RHOBTB3: variants seen among roughly 807,000 people sequenced by gnomAD.
RHOBTB3 encodes the protein rho-related BTB domain-containing protein 3.
In RHOBTB3, 47 loss-of-function variants were observed where a neutral mutation model predicts 67.2. The ratio of observed to expected loss-of-function variants is 0.70; its 90% CI spans 0.55 to 0.89. The LOEUF (loss-of-function observed/expected upper bound fraction) is 0.89. RHOBTB3 is among the 40% of genes least tolerant of loss of function. RHOBTB3 has a pLI of 0.00. For synonymous variants in RHOBTB3, 273 were observed against 274.2 expected, an observed-to-expected ratio of 1.00 and a Z score of 0.04; for missense variants, 631 against 750.0, an observed-to-expected ratio of 0.84 and a Z score of 1.85.
In RHOBTB3 at chr5:95,736,875, G is replaced by A. The variant is rs766584139; in HGVS notation, c.229-14G>A. On this transcript the variant is annotated splice_polypyrimidine_tract_variant and intron_variant, in intron 2 of 11. Coordinates refer to ENST00000379982, the MANE Select transcript of RHOBTB3 (RefSeq NM_014899.4). ...ATAAGTAGACTAAAGATTGCTATTT[G>A]CATTTTGGTTTAGGACATATTTGAC... 10 of 1,541,632 alleles carry A rather than the reference G, an allele frequency of 6.5e-6. No homozygotes were observed. The highest frequency in any genetic ancestry group is 2.0e-5 in the Admixed American group (1 of 49,026).
intron 4 of RHOBTB3, among the ~76,000 whole-genome samples, chr5:95,750,311 C>T (rs1257931602): frequency 6.6e-6 from 1 of 152,180 alleles, no homozygotes; most frequent in Non-Finnish European, 1.5e-5. Context: ...GCACCCCTCC[C>T]CACAGGGCAC....
intron 8 of RHOBTB3, among the ~76,000 whole-genome samples, chr5:95,772,907 A>G (rs978383807): frequency 2.0e-5 from 3 of 152,174 alleles, no homozygotes; most frequent in Admixed American, 6.5e-5. Flanking sequence ...ATAGTTTGAG[A>G]GCAATCTTTT....
chr5:95,734,767 A>G (rs1385812454), intron 2 of RHOBTB3, among the ~76,000 whole-genome samples: 1 of 152,184 alleles, frequency 6.6e-6, no homozygotes, highest in Non-Finnish European at 1.5e-5. Flanking sequence ...TTTTCTTTGC[A>G]GGGTTTGAAG....
Position 95,764,941 on chromosome 5 carries a change from A to T in RHOBTB3, c.1161+1321A>T, listed in dbSNP as rs1174160203. On this transcript the variant is annotated intron_variant, in intron 7 of 11. Coordinates refer to ENST00000379982, the MANE Select transcript of RHOBTB3 (RefSeq NM_014899.4). ...TCCAGTTTTACAAGTATATGGCAGG[A>T]TGGTAGCTCTTGCAGTCTAATTCAA... Among the ~76,000 whole-genome samples the T allele has an allele frequency of 3.3e-5, 5 of 152,052 alleles. No individual in the cohort carries two copies. The East Asian group carries it at 9.6e-4, about 29-fold the overall frequency.
intron 2 of RHOBTB3, among the ~76,000 whole-genome samples, chr5:95,735,466 C>G (rs146825284): frequency 6.6e-6 from 1 of 152,154 alleles, no homozygotes; most frequent in Non-Finnish European, 1.5e-5. Context: ...CTGTGTGATA[C>G]TCCTCCAGAA....
At position 95,796,232 on chromosome 5, in the gene RHOBTB3, T is replaced by C. The variant is rs1338359481; in HGVS notation, c.*3058T>C. 2 of 152,266 alleles carry C rather than the reference T, an allele frequency of 1.3e-5. No homozygotes were observed. Among genetic ancestry groups the C allele is most frequent in the African/African-American group, 4.8e-5 (2 of 41,474 alleles). 9.4% of individuals were successfully genotyped at this position (152,266 alleles called of 1,614,324 possible). Reference sequence around the variant, plus strand: ...AGTACTTTATTTTATTTAAAGCATCTGTTTAATTCAACCTTTAATAATTTT... The same window carrying C: ...AGTACTTTATTTTATTTAAAGCATCCGTTTAATTCAACCTTTAATAATTTT... On this transcript the variant is annotated 3_prime_UTR_variant, in exon 12 of 12. Transcript: ENST00000379982.
intron 7 of RHOBTB3, 40 bp downstream of exon 7, chr5:95,763,660 T>C: frequency 8.5e-7 from 1 of 1,177,420 alleles, no homozygotes; most frequent in Admixed American, 1.7e-5. Context: ...TTTGACCCTC[T>C]GAATTATAAC....
At chr5:95,759,919 T>A (rs570069990) in intron 6 of RHOBTB3, among the ~76,000 whole-genome samples, 17 of 152,122 alleles carry the variant, frequency 1.1e-4, no homozygotes, top group Non-Finnish European at 2.1e-4. Context: ...GCTAGAGAGT[T>A]ATAATAAGCC....
intron 1 of RHOBTB3, among the ~76,000 whole-genome samples, chr5:95,722,833 A>G (rs1158350759): frequency 6.6e-6 from 1 of 152,238 alleles, no homozygotes; most frequent in East Asian, 1.9e-4. Context: ...CAGGCATATT[A>G]AAGGCCAGAT....
Position 95,748,324 on chromosome 5 carries a change from T to G in RHOBTB3, c.416-9T>G, listed in dbSNP as rs766785903. The G allele has an allele frequency of 3.8e-6, 6 of 1,575,610 alleles. No individual in the cohort carries two copies. The highest frequency in any genetic ancestry group is 1.7e-4 in the Middle Eastern group (1 of 5,876). ...TCGAAACTCTTTGTTTTAAAATTTG[T>G]TTTCTCAGAAGAGTTACCTTGTACA... On this transcript the variant is annotated splice_polypyrimidine_tract_variant and intron_variant, in intron 3 of 11. Transcript: ENST00000379982.
At chr5:95,775,425 C>CATAT in intron 8 of RHOBTB3, among the ~76,000 whole-genome samples, 1 of 147,688 alleles carries the variant, frequency 6.8e-6, no homozygotes. Context: ...TATATATACA[C>CATAT]ATATATATAC....
chr5:95,793,046 C>T lies in RHOBTB3; in HGVS notation c.1721-13C>T. 6.3e-7 allele frequency: 1 copy of T among 1,581,802 alleles called. No individual in the cohort carries two copies. Among genetic ancestry groups the T allele is most frequent in the Non-Finnish European group, 8.7e-7 (1 of 1,153,730 alleles). ...AACATATTCGGTTAACAGTCTTTTT[C>T]TTAAAACTTCAGTGGAAGAACGCAG... On this transcript the variant is annotated splice_polypyrimidine_tract_variant and intron_variant, in intron 11 of 11. Transcript: ENST00000379982.
At position 95,795,819 on chromosome 5, in the gene RHOBTB3, T is replaced by C. The variant is rs574319800; in HGVS notation, c.*2645T>C. The C allele has an allele frequency of 2.0e-5, 3 of 152,352 alleles. No individual in the cohort carries two copies. Among genetic ancestry groups the C allele is most frequent in the African/African-American group, 7.2e-5 (3 of 41,592 alleles). 9.4% of individuals were successfully genotyped at this position (152,352 alleles called of 1,614,324 possible). A position where few individuals can be genotyped will look rare whatever the true frequency, so the allele number is the denominator to read the frequency against. ...TGAGTGCTGGTTTTGAGAGTTGTTT[T>C]TTAACTGAAAGATTATTTCTAGATG... On this transcript the variant is annotated 3_prime_UTR_variant, in exon 12 of 12. Coordinates refer to ENST00000379982, the MANE Select transcript of RHOBTB3 (RefSeq NM_014899.4).
chr5:95,734,073 T>C (rs1267465849), intron 2 of RHOBTB3, among the ~76,000 whole-genome samples: 1 of 152,212 alleles, frequency 6.6e-6, no homozygotes, highest in Non-Finnish European at 1.5e-5. Flanking sequence ...GAGGCTGGCA[T>C]TTAGTAGATG....
intron 3 of RHOBTB3, among the ~76,000 whole-genome samples, chr5:95,741,339 A>AG (rs1310741496): frequency 2.0e-5 from 3 of 150,892 alleles, no homozygotes; most frequent in Non-Finnish European, 1.5e-5. Context: ...AAAAAAAAAA[A>AG]GAAAAGAAAA....
At chr5:95,738,331 C>T (rs1208188608) in intron 3 of RHOBTB3, among the ~76,000 whole-genome samples, 1 of 152,174 alleles carries the variant, frequency 6.6e-6, no homozygotes. Flanking sequence ...ATTCATTCTT[C>T]AGTCCGCTAC....
chr5:95,788,660 T>A (rs993813427), intron 10 of RHOBTB3, 102 bp from the exon 11 acceptor site: 90 of 728,992 alleles, frequency 1.2e-4, no homozygotes, highest in Non-Finnish European at 2.1e-5. Flanking sequence ...ACATTAAACA[T>A]GAATATGGGC....
chr5:95,737,131 A>G, intron 3 of RHOBTB3, 56 bp downstream of exon 3: 2 of 1,188,660 alleles, frequency 1.7e-6, no homozygotes, highest in Non-Finnish European at 2.4e-6. Flanking sequence ...ATATACTTTA[A>G]ATAGTGCTAA....
intron 10 of RHOBTB3, among the ~76,000 whole-genome samples, chr5:95,784,359 G>A (rs951263477): frequency 3.9e-5 from 6 of 152,300 alleles, no homozygotes; most frequent in Non-Finnish European, 4.4e-5. Flanking sequence ...TACTGATAGC[G>A]ATGGTTAAGC....
Sources: allele counts gnomAD v4.1 joint callset (sites outside exome capture counted in the v4.1 genomes callset), GRCh38; gene constraint gnomAD v4.1.1; transcripts MANE v1.5; gene names NCBI Gene and HGNC (gene_info 2026-07-23, HGNC 2026-07-21).